Variants in PCOLCE2 observed in about 807,000 individuals in gnomAD.
PCOLCE2 encodes the protein procollagen C-endopeptidase enhancer 2.
Under a neutral mutation model 47.0 loss-of-function variants are expected in PCOLCE2, and 42 were observed. That is an observed-to-expected ratio of 0.89 (90% CI 0.70 to 1.16). The LOEUF is 1.16. Ranked by LOEUF, PCOLCE2 falls within the 50% of genes most tolerant of loss-of-function variation. The pLI is 0.00. For synonymous variants in PCOLCE2, 169 were observed against 191.7 expected (o/e 0.88, Z 0.98); for missense variants, 500 against 526.1 (o/e 0.95, Z 0.49).
chr3:142,831,129 C>T (rs1937147393), intron 5 of PCOLCE2, among the ~76,000 whole-genome samples: 1 of 152,242 alleles, frequency 6.6e-6, no homozygotes, highest in African/African-American at 2.4e-5. Flanking sequence ...CCCTCCAAAA[C>T]TCATGTTGAA....
intron 6 of PCOLCE2, among the ~76,000 whole-genome samples, chr3:142,824,623 G>C (rs1553812681): frequency 1.1e-4 from 16 of 152,082 alleles, no homozygotes; most frequent in Non-Finnish European, 2.4e-4. Flanking sequence ...CAACTCCTCT[G>C]TTAATTTATT....
intron 2 of PCOLCE2, among the ~76,000 whole-genome samples, chr3:142,879,786 G>A (rs533292884): frequency 3.5e-4 from 53 of 151,810 alleles, no homozygotes; most frequent in Non-Finnish European, 5.7e-4. Context: ...TGGCTAACAC[G>A]GTGAAACCCC....
intron 2 of PCOLCE2, among the ~76,000 whole-genome samples, chr3:142,856,094 C>A (rs544994296): frequency 1.3e-5 from 2 of 152,254 alleles, no homozygotes; most frequent in East Asian, 3.9e-4. Context: ...GACGTGGCCA[C>A]CAAGCAAGCC....
chr3:142,827,773 G>C, intron 6 of PCOLCE2: 1 of 654,640 alleles, frequency 1.5e-6, no homozygotes, highest in Non-Finnish European at 2.7e-6. Flanking sequence ...TTAGTCTGGG[G>C]ACCCGTGTAC....
intron 2 of PCOLCE2, among the ~76,000 whole-genome samples, chr3:142,868,048 G>A (rs1180883944): frequency 1.3e-5 from 2 of 152,142 alleles, no homozygotes; most frequent in African/African-American, 4.8e-5. Flanking sequence ...GCAAGGAACA[G>A]GAGGAAACAA....
At chr3:142,835,357 T>G (rs1454414586) in intron 5 of PCOLCE2, among the ~76,000 whole-genome samples, 1 of 152,242 alleles carries the variant, frequency 6.6e-6, no homozygotes, top group East Asian at 1.9e-4. Flanking sequence ...GGTAATGCTT[T>G]CTGCCTAAAA....
chr3:142,858,536 G>A lies in PCOLCE2; in HGVS notation c.193-10064C>T, dbSNP rs1933115015. Among the ~76,000 whole-genome samples the A allele has an allele frequency of 2.0e-5, 3 of 152,318 alleles. 1 individual carries two copies. The South Asian group carries it at 6.2e-4, about 32-fold the overall frequency. On this transcript the variant is annotated intron_variant, in intron 2 of 8. Transcript: ENST00000295992. The stretch of plus-strand genomic sequence containing the variant: ...TATGTGCGTGCGTGTGTGTGCGTGT[G>A]TATATCAAACTAGGATAAAACATAA...
At chr3:142,864,482 TA>T (rs1456615994) in intron 2 of PCOLCE2, 1 of 152,120 alleles carries the variant, frequency 6.6e-6, no homozygotes, top group Non-Finnish European at 1.5e-5. Flanking sequence ...CTTTTTTCCT[TA>T]AAAAAACAAA....
intron 2 of PCOLCE2, among the ~76,000 whole-genome samples, chr3:142,881,823 G>A (rs1933627244): frequency 6.6e-6 from 1 of 152,194 alleles, no homozygotes; most frequent in South Asian, 2.1e-4. Flanking sequence ...TAATTATAAA[G>A]ATGGTAATAC....
intron 8 of PCOLCE2, among the ~76,000 whole-genome samples, chr3:142,820,201 A>G (rs1025969249): frequency 6.6e-5 from 10 of 151,968 alleles, no homozygotes; most frequent in South Asian, 6.2e-4. Context: ...TCGGCCTCCC[A>G]AAGTGCTGGG....
chr3:142,834,448 T>TTTCCC (rs1461578665), intron 5 of PCOLCE2, among the ~76,000 whole-genome samples: 1 of 152,230 alleles, frequency 6.6e-6, no homozygotes, highest in African/African-American at 2.4e-5. Flanking sequence ...GTTTTATAAT[T>TTTCCC]TTCCCTATTA....
chr3:142,863,198 G>T (rs540820614), intron 2 of PCOLCE2, among the ~76,000 whole-genome samples: 1 of 151,288 alleles, frequency 6.6e-6, no homozygotes, highest in Non-Finnish European at 1.5e-5. Context: ...GAGGCCAGAT[G>T]TCTGACAGCA....
chr3:142,837,757 T>A (rs904590455), intron 5 of PCOLCE2, among the ~76,000 whole-genome samples: 2 of 152,238 alleles, frequency 1.3e-5, no homozygotes, highest in African/African-American at 2.4e-5. Flanking sequence ...TGCAGTTACA[T>A]AATTACACCA....
chr3:142,844,051 C>T (rs547120053), intron 3 of PCOLCE2, among the ~76,000 whole-genome samples: 17 of 152,224 alleles, frequency 1.1e-4, no homozygotes, highest in East Asian at 1.9e-4. Flanking sequence ...ATCCCCACGA[C>T]CTGCTTCATT....
chr3:142,869,829 T>C (rs1933349775), intron 2 of PCOLCE2, among the ~76,000 whole-genome samples: 2 of 152,154 alleles, frequency 1.3e-5, no homozygotes, highest in Non-Finnish European at 2.9e-5. Context: ...GCCTTATGTC[T>C]CCCTAAAATG....
intron 7 of PCOLCE2, among the ~76,000 whole-genome samples, chr3:142,822,983 A>C (rs1937032137): frequency 6.6e-6 from 1 of 152,200 alleles, no homozygotes; most frequent in African/African-American, 2.4e-5. Flanking sequence ...CAATCTTTCC[A>C]CTGGAAAAAG....
intron 3 of PCOLCE2, 125 bp from the exon 4 acceptor site, chr3:142,843,173 G>A (rs773117598): frequency 5.7e-5 from 52 of 909,260 alleles, no homozygotes; most frequent in Non-Finnish European, 7.9e-5. Context: ...CAGCAGAAGC[G>A]CTTACATTTT....
chr3:142,843,087 T>C (rs770050641), intron 3 of PCOLCE2, 39 bp from the exon 4 acceptor site: 9 of 1,602,452 alleles, frequency 5.6e-6, no homozygotes, highest in African/African-American at 1.3e-5. Flanking sequence ...CACAAGTTTA[T>C]GTAGGTTACA....
chr3:142,838,364 G>T (rs1270331057), intron 5 of PCOLCE2, among the ~76,000 whole-genome samples: 2 of 152,060 alleles, frequency 1.3e-5, no homozygotes, highest in Non-Finnish European at 2.9e-5. Flanking sequence ...GTTTCTCATG[G>T]TTTAAACACC....
Sources: gnomAD v4.1 joint callset for allele counts (sites outside exome capture counted in the v4.1 genomes callset) on GRCh38, gnomAD v4.1.1 for gene constraint, MANE v1.5 for transcripts, NCBI Gene and HGNC (gene_info 2026-07-23, HGNC 2026-07-21) for gene names.